The following COL26A1 variants were observed in gnomAD, a reference collection of about 807,000 sequenced individuals.
COL26A1 encodes the protein collagen type XXVI alpha 1 chain.
Under a neutral mutation model 59.3 loss-of-function variants are expected in COL26A1, and 41 were observed. The ratio of observed to expected loss-of-function variants is 0.69; its 90% CI spans 0.54 to 0.90. The LOEUF (loss-of-function observed/expected upper bound fraction) is 0.90, where lower values mean the gene tolerates loss of function less well. Among genes scored for constraint, COL26A1 ranks in the 40% least tolerant of loss-of-function variants. The pLI is 0.00. For missense variants in COL26A1, 612 were observed against 602.3 expected (o/e 1.02, Z -0.17); for synonymous variants, 266 against 256.0 (o/e 1.04, Z -0.37).
At chr7:101,442,841 G>A (rs1169055728) in intron 2 of COL26A1, among the ~76,000 whole-genome samples, 2 of 152,138 alleles carry the variant, frequency 1.3e-5, no homozygotes, top group East Asian at 1.9e-4. Flanking sequence ...GCACGTGTTT[G>A]TGTGAGTGCG....
At chr7:101,473,856 GA>G (rs72037716) in intron 3 of COL26A1, among the ~76,000 whole-genome samples, 56,737 of 145,710 alleles carry the variant, frequency 0.39, 11,226 homozygotes, top group Middle Eastern at 0.48. Flanking sequence ...CTGTCTCAAA[GA>G]AAAAAAAAAA....
At position 101,508,896 on chromosome 7, in the gene COL26A1, C is replaced by G. The variant is rs1794865449; in HGVS notation, c.386-24186C>G. ...AAAGAGGTTTGTTCCAGCTACTCAG[C>G]CAGGAGGCTGAGGCGGGAGGATCCT... is the stretch of plus-strand genomic sequence containing the variant. On this transcript the variant is annotated intron_variant, in intron 3 of 12. Coordinates refer to ENST00000313669, the MANE Select transcript of COL26A1 (RefSeq NM_001278563.3). Among the ~76,000 whole-genome samples, 5 of 151,522 alleles carry G rather than the reference C, an allele frequency of 3.3e-5. No individual in the cohort carries two copies. The South Asian group carries it at 1.0e-3, about 32-fold the overall frequency.
intron 3 of COL26A1, among the ~76,000 whole-genome samples, chr7:101,489,275 G>C (rs1377939255): frequency 2.0e-5 from 3 of 152,198 alleles, no homozygotes; most frequent in Admixed American, 6.5e-5. Context: ...CAAAGGCACT[G>C]TCCCACATGA....
chr7:101,530,856 T>G (rs66775337), intron 3 of COL26A1, among the ~76,000 whole-genome samples: 38,526 of 152,056 alleles, frequency 0.25, 5,358 homozygotes, highest in African/African-American at 0.38. Flanking sequence ...CCTGGCTGCA[T>G]GCACCTTGCA....
intron 3 of COL26A1, among the ~76,000 whole-genome samples, chr7:101,473,608 C>CCA (rs150820078): frequency 0.074 from 10,632 of 143,146 alleles, 352 homozygotes; most frequent in East Asian, 0.11. Context: ...CACCTTGTCT[C>CCA]CACACACACA....
intron 1 of COL26A1, among the ~76,000 whole-genome samples, chr7:101,398,571 A>G (rs548032758): frequency 1.3e-5 from 2 of 152,238 alleles, no homozygotes; most frequent in East Asian, 3.9e-4. Context: ...CTCCCTCCTG[A>G]CCTGCAATAA....
chr7:101,483,212 T>TC (rs1259070122), intron 3 of COL26A1, among the ~76,000 whole-genome samples: 1 of 151,806 alleles, frequency 6.6e-6, no homozygotes, highest in Non-Finnish European at 1.5e-5. Flanking sequence ...TTTTTTTTTT[T>TC]CTGGAGACAG....
At chr7:101,502,278 G>A (rs1270281449) in intron 3 of COL26A1, among the ~76,000 whole-genome samples, 1 of 152,192 alleles carries the variant, frequency 6.6e-6, no homozygotes, top group Non-Finnish European at 1.5e-5. Context: ...GGAGGCGAAA[G>A]TTGCAGTGAG....
rs764059657 is a variant in COL26A1 at position 101,466,837 on chromosome 7, T to TGTGTGTGTGTGTGAGAGA, written c.385+19051_385+19052insTGTGTGTGTGTGAGAGAG. ...GTGTGTGTGTGTGTGTGTGTGTGTG[T>TGTGTGTGTGTGTGAGAGA]GAGAGAGAGAGATTCAGTCTCTGCC... On this transcript the variant is annotated intron_variant, in intron 3 of 12. Coordinates refer to ENST00000313669, the MANE Select transcript of COL26A1 (RefSeq NM_001278563.3). Among the ~76,000 whole-genome samples the TGTGTGTGTGTGTGAGAGA allele has an allele frequency of 1.4e-4, 17 of 122,712 alleles. No individual in the cohort carries two copies. In the South Asian group the frequency reaches 2.4e-3, roughly 18 times the overall value. The allele number at this position is 122,712 out of a possible 152,430, so 80.5% of individuals were successfully genotyped here.
chr7:101,515,484 A>G (rs1442944940), intron 3 of COL26A1, among the ~76,000 whole-genome samples: 5 of 151,730 alleles, frequency 3.3e-5, no homozygotes, highest in Admixed American at 6.6e-5. Context: ...GGGTTTTGCC[A>G]TGTTGGCCAG....
At chr7:101,552,769 T>C (rs372256738) in intron 10 of COL26A1, among the ~76,000 whole-genome samples, 1 of 152,088 alleles carries the variant, frequency 6.6e-6, no homozygotes, top group Non-Finnish European at 1.5e-5. Flanking sequence ...TAGCCAGACA[T>C]GGTGGCGCAT....
At chr7:101,555,320 G>T (rs1027029078) in intron 11 of COL26A1, among the ~76,000 whole-genome samples, 1 of 152,208 alleles carries the variant, frequency 6.6e-6, no homozygotes, top group South Asian at 2.1e-4. Flanking sequence ...CACCTACCCT[G>T]CCCCTTGCCT....
chr7:101,442,893 GCACGAGTGTGCA>G (rs1308540198), intron 2 of COL26A1, among the ~76,000 whole-genome samples: 2 of 152,154 alleles, frequency 1.3e-5, no homozygotes, highest in Non-Finnish European at 2.9e-5. Context: ...GAGTGTGCAA[GCACGAGTGTGCA>G]CACGAGTGTG....
At chr7:101,433,629 G>A (rs958185791) in intron 2 of COL26A1, among the ~76,000 whole-genome samples, 8 of 152,126 alleles carry the variant, frequency 5.3e-5, no homozygotes, top group African/African-American at 1.4e-4. Context: ...ATAAACCACT[G>A]AGAATGATCC....
intron 4 of COL26A1, among the ~76,000 whole-genome samples, chr7:101,535,819 C>G (rs1795469584): frequency 6.6e-6 from 1 of 152,186 alleles, no homozygotes; most frequent in Non-Finnish European, 1.5e-5. Context: ...GAAGCTCAGG[C>G]AGCTCTCGAG....
At chr7:101,453,905 G>T (rs1279353109) in intron 3 of COL26A1, among the ~76,000 whole-genome samples, 1 of 152,148 alleles carries the variant, frequency 6.6e-6, no homozygotes, top group Non-Finnish European at 1.5e-5. Flanking sequence ...TCCATGAGAT[G>T]CAGTTCAGTG....
intron 3 of COL26A1, among the ~76,000 whole-genome samples, chr7:101,520,307 G>A (rs1020326320): frequency 6.6e-5 from 10 of 152,108 alleles, no homozygotes; most frequent in African/African-American, 1.9e-4. Context: ...AGCTAGAGAC[G>A]GTGCAGAACA....
At chr7:101,515,924 C>G (rs1795019390) in intron 3 of COL26A1, among the ~76,000 whole-genome samples, 1 of 152,188 alleles carries the variant, frequency 6.6e-6, no homozygotes, top group African/African-American at 2.4e-5. Context: ...TTGGCCATCT[C>G]TCTCCCGTCC....
chr7:101,503,574 G>A (rs1346486995), intron 3 of COL26A1, among the ~76,000 whole-genome samples: 1 of 152,182 alleles, frequency 6.6e-6, no homozygotes, highest in South Asian at 2.1e-4. Context: ...TAGAAGCAGG[G>A]TCTTGCTATG....
Sources: allele counts gnomAD v4.1 joint callset (sites outside exome capture counted in the v4.1 genomes callset), GRCh38; gene constraint gnomAD v4.1.1; transcripts MANE v1.5; gene names NCBI Gene and HGNC (gene_info 2026-07-23, HGNC 2026-07-21).